NHSL1: variants seen among roughly 807,000 people sequenced by gnomAD.
NHSL1 encodes NHS-like protein 1.
A neutral mutation model predicts 95.0 loss-of-function variants in NHSL1; 48 were observed. The ratio of observed to expected loss-of-function variants is 0.51; its 90% CI spans 0.40 to 0.64. The LOEUF is 0.64. Among genes scored for constraint, NHSL1 ranks in the 30% least tolerant of loss-of-function variants. The probability of loss-of-function intolerance (pLI) is 0.00; values close to 1 mark genes in which losing one functional copy is unlikely to be tolerated. For missense variants in NHSL1, 1,971 were observed against 2,077.7 expected, an observed-to-expected ratio of 0.95 and a Z score of 1.00; for synonymous variants, 783 against 833.9, an observed-to-expected ratio of 0.94 and a Z score of 1.05.
chr6:138,473,445 C>A lies in NHSL1; in HGVS notation c.212-12G>T. On this transcript the variant is annotated splice_polypyrimidine_tract_variant and intron_variant, in intron 2 of 7. Coordinates refer to ENST00000343505, the MANE Select transcript of NHSL1 (RefSeq NM_001144060.2). Reference sequence around the variant, plus strand: ...CAACTTATCGCATTCTGCAGAGGGGCACGCAGGGAGGGGAAGGAGGCCATT... The same window carrying A: ...CAACTTATCGCATTCTGCAGAGGGGAACGCAGGGAGGGGAAGGAGGCCATT... The A allele has an allele frequency of 7.0e-7, 1 of 1,423,470 alleles. No homozygotes were observed. The highest frequency in any genetic ancestry group is 1.4e-5 in the African/African-American group (1 of 69,204). The allele number at this position is 1,423,470 out of a possible 1,614,324, so 88.2% of individuals were successfully genotyped here.
rs374443539 is a variant in NHSL1 at position 138,432,685 on chromosome 6, C to G, written c.1660G>C (p.Glu554Gln). ...GGGHSSSEPW[E>Q]YKSSGNGRAS... ...CTTCCATTACCTGAGGATTTGTATT[C>G]CCAGGGCTCCGAGCTGCTGTGCCCT... The change falls in exon 6 of 8, where the codon GAA becomes CAA. Residue 554 changes from glutamate to glutamine, a missense_variant. This residue lies in a region of NHSL1 where 1,602 missense variants were observed against 1,654.5 expected (regional missense o/e 0.97). Coordinates refer to ENST00000343505, the MANE Select transcript of NHSL1 (RefSeq NM_001144060.2). The surrounding 1 kb of genome is among the most constrained non-coding windows in gnomAD (Gnocchi z 4.4). 1.4e-5 allele frequency: 21 copies of G among 1,551,660 alleles called. No individual in the cohort carries two copies. The East Asian group carries it at 4.6e-4, about 34-fold the overall frequency.
At chr6:138,515,351 C>T (rs567404024) in intron 1 of NHSL1, among the ~76,000 whole-genome samples, 24 of 152,254 alleles carry the variant, frequency 1.6e-4, no homozygotes, top group African/African-American at 5.1e-4. Context: ...CATCTTCAGC[C>T]TCATCTCATT....
chr6:138,688,707 T>C (rs1366757500), intron 1 of NHSL1, among the ~76,000 whole-genome samples: 3 of 152,054 alleles, frequency 2.0e-5, no homozygotes, highest in African/African-American at 7.2e-5. Flanking sequence ...TATTGATTTC[T>C]GCTTAGCAAA....
chr6:138,687,876 T>C (rs1583481818), intron 1 of NHSL1, among the ~76,000 whole-genome samples: 1 of 152,154 alleles, frequency 6.6e-6, no homozygotes, highest in East Asian at 1.9e-4. Flanking sequence ...GGGTTTCTTT[T>C]GGGGTGATAA....
Position 138,433,922 on chromosome 6 carries a change from C to T in NHSL1, c.665-242G>A, listed in dbSNP as rs536795193. 3.3e-5 allele frequency among the ~76,000 whole-genome samples: 5 copies of T among 152,198 alleles called. No individual in the cohort carries two copies. The East Asian group carries it at 7.7e-4, about 23-fold the overall frequency. On this transcript the variant is annotated intron_variant, in intron 5 of 7. Transcript: ENST00000343505. Reference sequence around the variant, plus strand: ...CAATCCTCCTATGGCTTGAGTGCTGCGTATGGAATTCTCAGGGTATCCCTT... The same window carrying T: ...CAATCCTCCTATGGCTTGAGTGCTGTGTATGGAATTCTCAGGGTATCCCTT...
rs141005230 is a variant in NHSL1 at position 138,685,687 on chromosome 6, AAAAT to A, written c.96+6785_96+6788del. ...CAACACAGTGAGACATCAATTTCTG[AAAAT>A]AAATAAATAAATAATTTTTTAATGT... On this transcript the variant is annotated intron_variant, in intron 1 of 3. Coordinates refer to the NHSL1 transcript ENST00000491526. 2.2e-4 allele frequency among the ~76,000 whole-genome samples: 33 copies of A among 152,272 alleles called. No homozygotes were observed. The East Asian group carries it at 3.1e-3, about 14-fold the overall frequency.
At position 138,429,766 on chromosome 6, in the gene NHSL1, C is replaced by T. The variant is rs1328171156; in HGVS notation, c.4030G>A (p.Val1344Ile). The T allele has an allele frequency of 2.4e-5, 38 of 1,551,754 alleles. No homozygotes were observed. The highest frequency in any genetic ancestry group is 3.3e-5 in the Non-Finnish European group (38 of 1,147,014). ...DFLKEDGNDE[V>I]MTPSRPRTTE... ...GTCCTGGGTCGACTGGGGGTCATTA[C>T]CTCATCATTCCCGTCTTCCTTGAGG... is the stretch of plus-strand genomic sequence containing the variant. Residue 1344 changes from valine to isoleucine, a missense_variant, in exon 7 of 8, where the codon GTA (valine) becomes ATA (isoleucine). Around this residue, in one of 3 missense-constraint regions of NHSL1, gnomAD observed 146 missense variants for 206.3 expected, o/e 0.71. Coordinates refer to ENST00000343505, the MANE Select transcript of NHSL1 (RefSeq NM_001144060.2).
chr6:138,484,335 CTT>C (rs916577926), intron 2 of NHSL1, among the ~76,000 whole-genome samples: 1 of 152,020 alleles, frequency 6.6e-6, no homozygotes, highest in Non-Finnish European at 1.5e-5. Context: ...GGACAGGTTT[CTT>C]TGCCAGGGGA....
At chr6:138,479,150 T>G (rs188797880) in intron 2 of NHSL1, among the ~76,000 whole-genome samples, 1 of 152,190 alleles carries the variant, frequency 6.6e-6, no homozygotes, top group Non-Finnish European at 1.5e-5. Context: ...TTCCTAGACA[T>G]CTATACCTAT....
chr6:138,548,818 T>G (rs891601912), upstream of NHSL1, among the ~76,000 whole-genome samples: 2 of 152,202 alleles, frequency 1.3e-5, no homozygotes, highest in Admixed American at 1.3e-4. Context: ...TATAATTCAG[T>G]GTGGTAAGTC....
intron 3 of NHSL1, among the ~76,000 whole-genome samples, chr6:138,463,497 C>T (rs1312803532): frequency 2.8e-5 from 4 of 143,670 alleles, no homozygotes; most frequent in Non-Finnish European, 3.0e-5. Context: ...TTCCCATGTG[C>T]GATGTTCTTT....
At chr6:138,547,860 C>T (rs193278279), upstream of NHSL1, among the ~76,000 whole-genome samples, 6 of 152,358 alleles carry the variant, frequency 3.9e-5, no homozygotes, top group East Asian at 1.2e-3. Context: ...CTGTCCTCTC[C>T]TGTTCTGAGT....
rs938051998 is a variant in NHSL1, at chr6:138,423,171, A to G, written c.*910T>C. On this transcript the variant is annotated 3_prime_UTR_variant, in exon 8 of 8. Coordinates refer to ENST00000343505, the MANE Select transcript of NHSL1 (RefSeq NM_001144060.2). Reference sequence around the variant, plus strand: ...TTCTGTAGTGCAAGTTTTCAAATTTAATTCTGAAAAATAATTTTATTTCAT... The same window carrying G: ...TTCTGTAGTGCAAGTTTTCAAATTTGATTCTGAAAAATAATTTTATTTCAT... The G allele has an allele frequency of 2.6e-5, 4 of 151,714 alleles. No individual in the cohort carries two copies. Among genetic ancestry groups the G allele is most frequent in the Non-Finnish European group, 4.4e-5 (3 of 67,968 alleles). The allele number at this position is 151,714 out of a possible 1,614,324, so 9.4% of individuals were successfully genotyped here.
At chr6:138,623,141 G>A (rs1048673529) in intron 1 of NHSL1, among the ~76,000 whole-genome samples, 2 of 152,178 alleles carry the variant, frequency 1.3e-5, no homozygotes, top group East Asian at 1.9e-4. Flanking sequence ...CATTAATGAC[G>A]TGGATCTGAG....
At chr6:138,664,551 G>C (rs1299693589) in intron 1 of NHSL1, among the ~76,000 whole-genome samples, 1 of 152,188 alleles carries the variant, frequency 6.6e-6, no homozygotes, top group African/African-American at 2.4e-5. Context: ...GGAGCTAAAT[G>C]CTAAAGAACA....
intron 1 of NHSL1, among the ~76,000 whole-genome samples, chr6:138,676,906 C>A (rs1785456663): frequency 6.6e-6 from 1 of 152,222 alleles, no homozygotes; most frequent in African/African-American, 2.4e-5. Context: ...CCACCCGCCT[C>A]AGCCCCCACA....
At chr6:138,522,120 G>C (rs1356987099) in intron 1 of NHSL1, among the ~76,000 whole-genome samples, 3 of 152,220 alleles carry the variant, frequency 2.0e-5, no homozygotes, top group Admixed American at 6.5e-5. Flanking sequence ...ATACTGTGGA[G>C]CCAGAAATCC....
upstream of NHSL1, among the ~76,000 whole-genome samples, chr6:138,549,626 G>A (rs886692226): frequency 2.6e-5 from 4 of 152,176 alleles, no homozygotes; most frequent in African/African-American, 2.4e-5. Flanking sequence ...AAGCCACCAC[G>A]CTTGGGGTAA....
chr6:138,598,989 G>A (rs1784337596), intron 1 of NHSL1, among the ~76,000 whole-genome samples: 1 of 152,146 alleles, frequency 6.6e-6, no homozygotes, highest in Non-Finnish European at 1.5e-5. Flanking sequence ...TTAGGGCCTG[G>A]AGATCCATCA....
Sources: gnomAD v4.1 joint callset for allele counts (sites outside exome capture counted in the v4.1 genomes callset) on GRCh38, gnomAD v4.1.1 for gene constraint, gnomAD v4.1.1 regional missense constraint, Gnocchi (gnomAD v3.1) non-coding constraint, MANE v1.5 for transcripts, NCBI Gene and HGNC (gene_info 2026-07-23, HGNC 2026-07-21) for gene names.